Variants in CYBRD1 observed in about 807,000 individuals in gnomAD.
CYBRD1 encodes cytochrome b reductase 1.
In CYBRD1, 14 loss-of-function variants were observed where a neutral mutation model predicts 21.9. That is an observed-to-expected ratio of 0.64 (90% confidence interval 0.42 to 1.00). The LOEUF (loss-of-function observed/expected upper bound fraction) is 1.00, where lower values mean the gene tolerates loss of function less well. Ranked by LOEUF, CYBRD1 falls within the 50% of genes least tolerant of loss-of-function variation. CYBRD1 has a pLI of 0.00. For synonymous variants in CYBRD1, 146 were observed against 136.5 expected (o/e 1.07, Z -0.48); for missense variants, 328 against 352.5 (o/e 0.93, Z 0.56).
chr2:171,529,807 C>T (rs968473038), intron 1 of CYBRD1, among the ~76,000 whole-genome samples: 11 of 152,180 alleles, frequency 7.2e-5, no homozygotes, highest in African/African-American at 2.7e-4. Context: ...TTTTGTAGTA[C>T]TCTGTATACC....
chr2:171,523,728 G>T (rs1574429670), intron 1 of CYBRD1, among the ~76,000 whole-genome samples: 1 of 89,208 alleles, frequency 1.1e-5, no homozygotes, highest in Non-Finnish European at 2.1e-5. Context: ...ATTGTGTAGT[G>T]CCTCTCAATG....
chr2:171,547,600 A>AAAATTGG (rs1265340149), intron 2 of CYBRD1, among the ~76,000 whole-genome samples: 2 of 152,196 alleles, frequency 1.3e-5, no homozygotes, highest in African/African-American at 4.8e-5. Flanking sequence ...GCACAGCTGA[A>AAAATTGG]AAATTGGAGG....
chr2:171,553,205 C>T lies in CYBRD1; in HGVS notation c.403-141C>T, dbSNP rs142443896. The T allele has an allele frequency of 1.3e-4, 116 of 908,070 alleles. No homozygotes were observed. In the African/African-American group the frequency reaches 1.9e-3, roughly 15 times the overall value. 56.3% of individuals were successfully genotyped at this position (908,070 alleles called of 1,614,324 possible). A position where few individuals can be genotyped will look rare whatever the true frequency, so the allele number is the denominator to read the frequency against. ...AAAGGGGTTACATTAGGTAGTGGAA[C>T]TGGAGCGAGGAAACTTCATTTTCTA... is the stretch of plus-strand genomic sequence containing the variant. On this transcript the variant is annotated intron_variant, in intron 2 of 3. Coordinates refer to ENST00000321348, the MANE Select transcript of CYBRD1 (RefSeq NM_024843.4).
intron 1 of CYBRD1, among the ~76,000 whole-genome samples, chr2:171,531,559 C>T (rs775951896): frequency 7.9e-5 from 12 of 152,090 alleles, no homozygotes; most frequent in Non-Finnish European, 1.6e-4. Context: ...GTGATTCTTC[C>T]ACCCCTCTCA....
intron 1 of CYBRD1, among the ~76,000 whole-genome samples, chr2:171,530,548 G>A (rs1355659636): frequency 6.6e-6 from 1 of 152,180 alleles, no homozygotes; most frequent in Non-Finnish European, 1.5e-5. Flanking sequence ...GGTGGGAACT[G>A]TAGGGAACTA....
intron 2 of CYBRD1, among the ~76,000 whole-genome samples, chr2:171,545,032 A>T (rs931134085): frequency 9.2e-5 from 14 of 151,830 alleles, no homozygotes; most frequent in African/African-American, 3.4e-4. Flanking sequence ...CCAGCTACTC[A>T]GAAGGCTGAG....
At chr2:171,535,847 C>T (rs1697536325) in intron 1 of CYBRD1, among the ~76,000 whole-genome samples, 1 of 151,974 alleles carries the variant, frequency 6.6e-6, no homozygotes, top group Admixed American at 6.6e-5. Flanking sequence ...ACTGGGTTGC[C>T]CAAGCTGGTC....
rs1697636306 is a variant in CYBRD1, at chr2:171,541,769, A to G, written c.378A>G (p.Ile126Met). 6.2e-7 allele frequency: 1 copy of G among 1,612,618 alleles called. No individual in the cohort carries two copies. Among genetic ancestry groups the G allele is most frequent in the Non-Finnish European group, 8.5e-7 (1 of 1,179,370 alleles). The change falls in exon 2 of 4, where the codon ATA becomes ATG. Residue 126 changes from isoleucine to methionine, a missense_variant. Coordinates refer to ENST00000321348, the MANE Select transcript of CYBRD1 (RefSeq NM_024843.4). ...GTCTGCACAGCTGGGTTGGACTGATAGCTGTCATATGCTATTTGTTACAGG... is the reference window on the plus strand; with the variant it reads ...GTCTGCACAGCTGGGTTGGACTGATGGCTGTCATATGCTATTTGTTACAGG... ...MYSLHSWVGLIAVICYLLQLL... is the reference protein window; with the variant it reads ...MYSLHSWVGLMAVICYLLQLL...
At chr2:171,525,943 C>T (rs1386854690) in intron 1 of CYBRD1, among the ~76,000 whole-genome samples, 2 of 115,642 alleles carry the variant, frequency 1.7e-5, no homozygotes, top group Non-Finnish European at 3.5e-5. Flanking sequence ...GCGAAACTCC[C>T]GTCTAAAAAA....
At chr2:171,533,170 G>T (rs1046612010) in intron 1 of CYBRD1, among the ~76,000 whole-genome samples, 1 of 151,604 alleles carries the variant, frequency 6.6e-6, no homozygotes, top group South Asian at 2.1e-4. Context: ...AGTTCGAGAC[G>T]AGCCTGGCCA....
chr2:171,541,257 C>T, intron 1 of CYBRD1: 2 of 374,938 alleles, frequency 5.3e-6, no homozygotes, highest in Admixed American at 3.9e-5. Context: ...TTTTGGAGTC[C>T]CTGCCATGGA....
chr2:171,536,345 C>T (rs1329253224), intron 1 of CYBRD1, among the ~76,000 whole-genome samples: 1 of 150,816 alleles, frequency 6.6e-6, no homozygotes, highest in African/African-American at 2.4e-5. Flanking sequence ...GGTTCTGTTG[C>T]CCAGGCTGGA....
At position 171,556,398 on chromosome 2, in the gene CYBRD1, T is replaced by A. The variant is rs553562819; in HGVS notation, c.*1571T>A. 1.4e-4 allele frequency: 21 copies of A among 152,322 alleles called. No homozygotes were observed. The highest frequency in any genetic ancestry group is 3.8e-4 in the African/African-American group (16 of 41,580). 9.4% of individuals were successfully genotyped at this position (152,322 alleles called of 1,614,324 possible). A position where few individuals can be genotyped will look rare whatever the true frequency, so the allele number is the denominator to read the frequency against. On this transcript the variant is annotated 3_prime_UTR_variant, in exon 4 of 4. Coordinates refer to ENST00000321348, the MANE Select transcript of CYBRD1 (RefSeq NM_024843.4). ...TTTGGAGTATCATCTCTGTCTGGGA[T>A]CTGGGCTGACAAATTAAAACCTAGA... is the stretch of plus-strand genomic sequence containing the variant.
In CYBRD1 at chr2:171,541,669, CT is replaced by C. The variant is rs759318437; in HGVS notation, c.279del (p.Ala94ProfsTer20). ...KSIHAGLNAV[A>X]AILAIISVVA... ...ATCCATGCAGGGTTAAATGCAGTTG[CT>C]GCCATTCTTGCAATTATCTCTGTGG... On this transcript the variant is annotated frameshift_variant, in exon 2 of 4. Coordinates refer to ENST00000321348, the MANE Select transcript of CYBRD1 (RefSeq NM_024843.4). LOFTEE classifies it high-confidence loss of function. 3 of 1,613,876 alleles carry C rather than the reference CT, an allele frequency of 1.9e-6. No individual in the cohort carries two copies. The Admixed American group carries it at 5.0e-5, about 27-fold the overall frequency.
intron 1 of CYBRD1, chr2:171,523,094 G>GC (rs1697332876): frequency 3.0e-6 from 1 of 338,258 alleles, no homozygotes; most frequent in Non-Finnish European, 5.7e-6. Flanking sequence ...CTTGAGCCCG[G>GC]GCGCGATGCC....
chr2:171,544,872 C>G (rs1697686313), intron 2 of CYBRD1, among the ~76,000 whole-genome samples: 1 of 152,144 alleles, frequency 6.6e-6, no homozygotes, highest in Non-Finnish European at 1.5e-5. Context: ...GGCACAGTGG[C>G]TCATACCCAT....
intron 2 of CYBRD1, among the ~76,000 whole-genome samples, chr2:171,547,030 A>C (rs1395969267): frequency 2.0e-5 from 3 of 152,186 alleles, no homozygotes; most frequent in Non-Finnish European, 4.4e-5. Flanking sequence ...TAGATTCTAA[A>C]GATATTTAGC....
chr2:171,527,333 G>C (rs994587397), intron 1 of CYBRD1, among the ~76,000 whole-genome samples: 1 of 152,192 alleles, frequency 6.6e-6, no homozygotes, highest in Non-Finnish European at 1.5e-5. Context: ...GTGGTGCTCA[G>C]TGCTATATCC....
Position 171,555,381 on chromosome 2 carries a change from C to T in CYBRD1, c.*554C>T, listed in dbSNP as rs1184712932. Reference sequence around the variant, plus strand: ...CCCATGCCTGCCTTCTGCTCCCTCCCCAGCTGGTTTGGGCTCAAATTGTCC... The same window carrying T: ...CCCATGCCTGCCTTCTGCTCCCTCCTCAGCTGGTTTGGGCTCAAATTGTCC... On this transcript the variant is annotated 3_prime_UTR_variant, in exon 4 of 4. Coordinates refer to ENST00000321348, the MANE Select transcript of CYBRD1 (RefSeq NM_024843.4). 2 of 159,110 alleles carry T rather than the reference C, an allele frequency of 1.3e-5. No homozygotes were observed. Among genetic ancestry groups the T allele is most frequent in the African/African-American group, 4.8e-5 (2 of 41,458 alleles). The allele number at this position is 159,110 out of a possible 1,614,324, so 9.9% of individuals were successfully genotyped here.
Sources: gnomAD v4.1 joint callset for allele counts (sites outside exome capture counted in the v4.1 genomes callset) on GRCh38, gnomAD v4.1.1 for gene constraint, MANE v1.5 for transcripts, NCBI Gene and HGNC (gene_info 2026-07-23, HGNC 2026-07-21) for gene names.